FRMD4B: variants seen among roughly 807,000 people sequenced by gnomAD.
The protein encoded by FRMD4B is FERM domain-containing protein 4B.
Under a neutral mutation model 141.5 loss-of-function variants are expected in FRMD4B, and 74 were observed. The observed-to-expected ratio is 0.52, with a 90% CI of 0.43 to 0.63. FRMD4B has a LOEUF of 0.63. Ranked by LOEUF, FRMD4B falls within the 30% of genes least tolerant of loss-of-function variation. The probability of loss-of-function intolerance (pLI) is 0.00; values close to 1 mark genes in which losing one functional copy is unlikely to be tolerated. For missense variants in FRMD4B, 1,366 were observed against 1,253.4 expected (o/e 1.09, Z -1.36); for synonymous variants, 506 against 467.9 (o/e 1.08, Z -1.05).
chr3:69,246,135 C>T (rs1362005383), intron 7 of FRMD4B, among the ~76,000 whole-genome samples: 1 of 152,192 alleles, frequency 6.6e-6, no homozygotes, highest in Non-Finnish European at 1.5e-5. Context: ...CTGTGCTCGG[C>T]ACCCGGCGCC....
chr3:69,191,900 G>T (rs893637209), intron 17 of FRMD4B, among the ~76,000 whole-genome samples: 3 of 152,180 alleles, frequency 2.0e-5, no homozygotes, highest in Non-Finnish European at 4.4e-5. Flanking sequence ...ACTAACACTT[G>T]TGTGTTGATG....
chr3:69,232,947 T>C (rs1268424934), intron 7 of FRMD4B, among the ~76,000 whole-genome samples: 2 of 147,066 alleles, frequency 1.4e-5, no homozygotes, highest in African/African-American at 5.0e-5. Context: ...GGATGAGGTC[T>C]CCCTTTGTTG....
intron 2 of FRMD4B, among the ~76,000 whole-genome samples, chr3:69,427,653 T>TTTTTTTTTTTTTTG (rs1224281800): frequency 3.3e-5 from 4 of 120,930 alleles, no homozygotes; most frequent in Admixed American, 8.2e-5. Context: ...GTTTTTTTTT[T>TTTTTTTTTTTTTTG]TTTTTTTTTT....
intron 14 of FRMD4B, among the ~76,000 whole-genome samples, chr3:69,195,828 AATG>A (rs1339518756): frequency 2.2e-4 from 34 of 152,342 alleles, no homozygotes; most frequent in African/African-American, 8.2e-4. Flanking sequence ...ACATATACTT[AATG>A]ATAAGGGATT....
At chr3:69,363,592 T>C (rs1007145036) in intron 1 of FRMD4B, among the ~76,000 whole-genome samples, 2 of 152,064 alleles carry the variant, frequency 1.3e-5, no homozygotes, top group Admixed American at 6.5e-5. Context: ...AATTTCACCA[T>C]GTTAGCCAGG....
At chr3:69,540,806 AC>A (rs1701171319) in intron 1 of FRMD4B, among the ~76,000 whole-genome samples, 1 of 151,552 alleles carries the variant, frequency 6.6e-6, no homozygotes, top group African/African-American at 2.4e-5. Context: ...ATTAGATCTT[AC>A]ATAAACCACA....
At chr3:69,456,667 C>T (rs1705620432) in intron 1 of FRMD4B, among the ~76,000 whole-genome samples, 1 of 148,926 alleles carries the variant, frequency 6.7e-6, no homozygotes. Flanking sequence ...TGAGCTGGCA[C>T]ACAACAGACA....
At chr3:69,460,225 A>T (rs1705688947) in intron 1 of FRMD4B, among the ~76,000 whole-genome samples, 1 of 152,206 alleles carries the variant, frequency 6.6e-6, no homozygotes, top group African/African-American at 2.4e-5. Context: ...GAAAGTTACG[A>T]TGCCAGATGA....
chr3:69,407,395 T>C (rs1575790964), intron 2 of FRMD4B, among the ~76,000 whole-genome samples: 1 of 152,316 alleles, frequency 6.6e-6, no homozygotes, highest in East Asian at 1.9e-4. Context: ...GGTGTCAGCA[T>C]TGCACAGTGT....
chr3:69,269,090 G>A lies in FRMD4B; in HGVS notation c.501+18662C>T, dbSNP rs563769000. ...ATTACAGACATGCACCACCACACCCGGCTAATTTTTGTATTTTTAGTAGAG... is the reference window on the plus strand; with the variant it reads ...ATTACAGACATGCACCACCACACCCAGCTAATTTTTGTATTTTTAGTAGAG... On this transcript the variant is annotated intron_variant, in intron 5 of 22. Transcript: ENST00000398540. Among the ~76,000 whole-genome samples the A allele has an allele frequency of 2.9e-3, 444 of 151,396 alleles. 9 individuals are homozygous for A. The highest frequency in any genetic ancestry group is 0.011 in the African/African-American group (432 of 40,980).
chr3:69,512,601 A>G (rs1451067874), intron 1 of FRMD4B, among the ~76,000 whole-genome samples: 1 of 152,200 alleles, frequency 6.6e-6, no homozygotes. Context: ...CATGGCTTCC[A>G]ACGTGGTTGC....
intron 2 of FRMD4B, among the ~76,000 whole-genome samples, chr3:69,401,693 G>A (rs1468500940): frequency 2.0e-5 from 3 of 152,094 alleles, no homozygotes; most frequent in Admixed American, 6.6e-5. Flanking sequence ...GGGACCACAC[G>A]TGTGCACCAC....
intron 1 of FRMD4B, among the ~76,000 whole-genome samples, chr3:69,447,037 C>T (rs1262241529): frequency 1.3e-5 from 2 of 151,992 alleles, no homozygotes; most frequent in Admixed American, 6.6e-5. Flanking sequence ...ACTCTGTGTT[C>T]TAGCCAGGCA....
intron 1 of FRMD4B, chr3:69,536,474 C>T: frequency 1.4e-6 from 1 of 700,398 alleles, no homozygotes; most frequent in Non-Finnish European, 2.6e-6. Context: ...AGCTTGACGG[C>T]CACCGCCAAC....
chr3:69,298,476 T>C (rs1490045248), intron 4 of FRMD4B, among the ~76,000 whole-genome samples: 1 of 152,154 alleles, frequency 6.6e-6, no homozygotes, highest in Admixed American at 6.5e-5. Flanking sequence ...TGAGTCTGTT[T>C]AAAATGGAAA....
At chr3:69,411,344 T>C (rs1033723636) in intron 2 of FRMD4B, among the ~76,000 whole-genome samples, 2 of 152,204 alleles carry the variant, frequency 1.3e-5, no homozygotes, top group African/African-American at 4.8e-5. Flanking sequence ...TTTACAAATA[T>C]GACTCAACTC....
intron 1 of FRMD4B, chr3:69,536,144 G>C (rs571293542): frequency 2.0e-6 from 1 of 507,322 alleles, no homozygotes; most frequent in South Asian, 2.0e-5. Flanking sequence ...CTTGGGAGGA[G>C]CCTTCTGCAC....
intron 1 of FRMD4B, among the ~76,000 whole-genome samples, chr3:69,509,305 C>T (rs1053175569): frequency 2.0e-5 from 3 of 152,196 alleles, no homozygotes; most frequent in Admixed American, 6.5e-5. Flanking sequence ...GCCAGTTGAA[C>T]GGGCAAGTCT....
chr3:69,485,312 T>C (rs554328259), intron 1 of FRMD4B, among the ~76,000 whole-genome samples: 3 of 152,294 alleles, frequency 2.0e-5, no homozygotes, highest in South Asian at 2.1e-4. Context: ...CAAGGGCAAG[T>C]GGGGCCTTTG....
Sources: allele counts gnomAD v4.1 joint callset (sites outside exome capture counted in the v4.1 genomes callset), GRCh38; gene constraint gnomAD v4.1.1; transcripts MANE v1.5; gene names NCBI Gene and HGNC (gene_info 2026-07-23, HGNC 2026-07-21).